Variants in NHSL1 observed in about 807,000 individuals in gnomAD.
The protein encoded by NHSL1 is NHS like 1, also known as NHS-like protein 1.
A neutral mutation model predicts 95.0 loss-of-function variants in NHSL1; 48 were observed. That is an observed-to-expected ratio of 0.51 (90% CI 0.40 to 0.64). The LOEUF (loss-of-function observed/expected upper bound fraction) is 0.64, where lower values mean the gene tolerates loss of function less well. NHSL1 is among the 30% of genes least tolerant of loss of function. The probability of loss-of-function intolerance (pLI) is 0.00; values close to 1 mark genes in which losing one functional copy is unlikely to be tolerated. For missense variants in NHSL1, 1,971 were observed against 2,077.7 expected (o/e 0.95, Z 1.00); for synonymous variants, 783 against 833.9 (o/e 0.94, Z 1.05).
rs11961831 is a variant in NHSL1, at chr6:138,437,327, C to T, written c.665-3647G>A. On this transcript the variant is annotated intron_variant, in intron 5 of 7. Coordinates refer to ENST00000343505, the MANE Select transcript of NHSL1 (RefSeq NM_001144060.2). ...ATATATATATATATATATACACACA[C>T]ACATATATATATATACACATATATA... 3.0e-4 allele frequency among the ~76,000 whole-genome samples: 28 copies of T among 92,892 alleles called. 2 individuals are homozygous for T. The highest frequency in any genetic ancestry group is 1.6e-3 in the African/African-American group (28 of 17,568). 60.9% of individuals were successfully genotyped at this position (92,892 alleles called of 152,430 possible). A position where few individuals can be genotyped will look rare whatever the true frequency, so the allele number is the denominator to read the frequency against.
At chr6:138,538,521 T>C (rs919075445) in intron 1 of NHSL1, among the ~76,000 whole-genome samples, 2 of 152,142 alleles carry the variant, frequency 1.3e-5, no homozygotes, top group Non-Finnish European at 2.9e-5. Context: ...GCCTTCCCTT[T>C]CCTAAGAGAC....
In NHSL1 at chr6:138,459,453, C is replaced by T. The variant is rs116966015; in HGVS notation, c.340-12260G>A. Among the ~76,000 whole-genome samples the T allele has an allele frequency of 5.1e-3, 772 of 152,250 alleles. 10 individuals are homozygous for T. Among genetic ancestry groups the T allele is most frequent in the Admixed American group, 0.029 (445 of 15,298 alleles). On this transcript the variant is annotated intron_variant, in intron 3 of 7. Coordinates refer to ENST00000343505, the MANE Select transcript of NHSL1 (RefSeq NM_001144060.2). ...TGCTGTATATTACTTGTATACCTTA[C>T]TATATCATTGAACTGTTATTTATAG...
At chr6:138,593,495 T>C (rs7768937) in intron 1 of NHSL1, among the ~76,000 whole-genome samples, 1,785 of 152,348 alleles carry the variant, frequency 0.012, 27 homozygotes, top group African/African-American at 0.041. Context: ...TGACTTAACA[T>C]GCAATTCTCA....
At chr6:138,456,802 T>G (rs1250898385) in intron 3 of NHSL1, among the ~76,000 whole-genome samples, 1 of 151,298 alleles carries the variant, frequency 6.6e-6, no homozygotes, top group Non-Finnish European at 1.5e-5. Context: ...GAGAAAAAAG[T>G]CAAAAACAGT....
upstream of NHSL1, among the ~76,000 whole-genome samples, chr6:138,548,955 C>A (rs1782903818): frequency 6.6e-6 from 1 of 152,150 alleles, no homozygotes; most frequent in Non-Finnish European, 1.5e-5. Flanking sequence ...ATAGTGTCCA[C>A]CCCAAATTCA....
intron 1 of NHSL1, among the ~76,000 whole-genome samples, chr6:138,598,570 A>G (rs1235772013): frequency 1.3e-5 from 2 of 148,454 alleles, no homozygotes; most frequent in South Asian, 2.2e-4. Context: ...GCAGTGAGCC[A>G]TGAACATGCC....
intron 2 of NHSL1, among the ~76,000 whole-genome samples, chr6:138,487,000 G>A (rs1413770272): frequency 6.6e-6 from 1 of 152,196 alleles, no homozygotes; most frequent in Non-Finnish European, 1.5e-5. Context: ...GAGTTGGCCA[G>A]GTGTGAGAGG....
At chr6:138,499,167 A>G (rs1242420846) in intron 1 of NHSL1, 66 bp downstream of exon 1, 1 of 1,041,980 alleles carries the variant, frequency 9.6e-7, no homozygotes, top group Non-Finnish European at 1.4e-6. Flanking sequence ...ACAGACACAC[A>G]GGGACATATA....
At chr6:138,513,659 C>T (rs1781332150) in intron 1 of NHSL1, among the ~76,000 whole-genome samples, 2 of 152,096 alleles carry the variant, frequency 1.3e-5, no homozygotes, top group Admixed American at 1.3e-4. Context: ...AGACAGAGGG[C>T]CAGTGGATTG....
intron 1 of NHSL1, among the ~76,000 whole-genome samples, chr6:138,577,624 C>T (rs1783991393): frequency 6.6e-6 from 1 of 152,104 alleles, no homozygotes; most frequent in Admixed American, 6.5e-5. Context: ...GGGCTGGGAG[C>T]AGTGAAGTGT....
In NHSL1 at chr6:138,593,643, C is replaced by T. The variant is rs572320513; in HGVS notation, c.97-97272G>A. On this transcript the variant is annotated intron_variant, in intron 1 of 3. Transcript: ENST00000491526. ...GAGATGAAAAGTGAGTCATTTCTTTCTTCCAGTAGACGGTCTCCCCAGGCA... is the reference window on the plus strand; with the variant it reads ...GAGATGAAAAGTGAGTCATTTCTTTTTTCCAGTAGACGGTCTCCCCAGGCA... Among the ~76,000 whole-genome samples the T allele has an allele frequency of 1.4e-4, 22 of 152,356 alleles. No individual in the cohort carries two copies. The South Asian group carries it at 4.6e-3, about 32-fold the overall frequency.
intron 1 of NHSL1, among the ~76,000 whole-genome samples, chr6:138,611,211 C>A (rs1048980286): frequency 1.2e-4 from 18 of 152,132 alleles, no homozygotes; most frequent in Admixed American, 1.1e-3. Flanking sequence ...TAGTAGGAAA[C>A]CGTCAGTGTC....
At chr6:138,593,218 CA>C (rs1784256980) in intron 1 of NHSL1, among the ~76,000 whole-genome samples, 2 of 152,186 alleles carry the variant, frequency 1.3e-5, no homozygotes, top group African/African-American at 4.8e-5. Flanking sequence ...GTGATTCCAG[CA>C]CTGACACGGA....
chr6:138,615,237 G>A (rs531023145), intron 1 of NHSL1, among the ~76,000 whole-genome samples: 1 of 152,288 alleles, frequency 6.6e-6, no homozygotes, highest in East Asian at 1.9e-4. Flanking sequence ...AGCAACTTGA[G>A]GAAAATTTTG....
chr6:138,531,035 T>C (rs916628562), intron 1 of NHSL1, among the ~76,000 whole-genome samples: 17 of 152,270 alleles, frequency 1.1e-4, no homozygotes, highest in Admixed American at 9.8e-4. Context: ...GAAAATACTA[T>C]GAGGAGACAG....
intron 2 of NHSL1, among the ~76,000 whole-genome samples, chr6:138,475,771 C>T (rs549171962): frequency 2.6e-5 from 4 of 152,020 alleles, no homozygotes; most frequent in South Asian, 2.1e-4. Context: ...CATGGCAAAA[C>T]CCCGTCTCTA....
intron 1 of NHSL1, among the ~76,000 whole-genome samples, chr6:138,661,596 A>T (rs1785228053): frequency 6.6e-6 from 1 of 152,160 alleles, no homozygotes; most frequent in Admixed American, 6.5e-5. Flanking sequence ...CCGGAAGTCA[A>T]GGCTGCAGTA....
chr6:138,669,573 G>C (rs1487158157), intron 1 of NHSL1, among the ~76,000 whole-genome samples: 1 of 152,196 alleles, frequency 6.6e-6, no homozygotes, highest in Non-Finnish European at 1.5e-5. Context: ...GCCACGAGTG[G>C]CCACCCTTCC....
chr6:138,545,631 C>G, exon 1 of NHSL1: 1 of 1,289,372 alleles, frequency 7.8e-7, no homozygotes, highest in Non-Finnish European at 1.0e-6. Context: ...ACCTTTCAGA[C>G]AGAACATTCT....
Sources: gnomAD v4.1 joint callset for allele counts (sites outside exome capture counted in the v4.1 genomes callset) on GRCh38, gnomAD v4.1.1 for gene constraint, MANE v1.5 for transcripts, NCBI Gene and HGNC (gene_info 2026-07-23, HGNC 2026-07-21) for gene names.